The following FAM168A variants were observed in gnomAD, a reference collection of about 807,000 sequenced individuals.
FAM168A encodes the protein protein FAM168A.
FAM168A carries 3 observed loss-of-function variants against 28.5 expected under a neutral mutation model. That is an observed-to-expected ratio of 0.11 (90% confidence interval 0.05 to 0.27). FAM168A has a LOEUF of 0.27. Ranked by LOEUF, FAM168A falls within the 10% of genes least tolerant of loss-of-function variation. FAM168A has a pLI of 1.00. For synonymous variants in FAM168A, 122 were observed against 124.2 expected, an observed-to-expected ratio of 0.98 and a Z score of 0.12; for missense variants, 222 against 311.5, an observed-to-expected ratio of 0.71 and a Z score of 2.16.
chr11:73,466,593 ATT>A (rs1867739897), intron 2 of FAM168A, among the ~76,000 whole-genome samples: 2 of 152,154 alleles, frequency 1.3e-5, no homozygotes, highest in African/African-American at 4.8e-5. Context: ...TATATTTGGC[ATT>A]TGTTTATAAA....
chr11:73,432,428 A>G (rs952105359), intron 2 of FAM168A, among the ~76,000 whole-genome samples: 2 of 151,790 alleles, frequency 1.3e-5, no homozygotes, highest in Non-Finnish European at 2.9e-5. Flanking sequence ...TACATCCTCA[A>G]CAACCCTTGT....
intron 1 of FAM168A, among the ~76,000 whole-genome samples, chr11:73,539,319 G>C (rs1231971899): frequency 6.6e-6 from 1 of 151,666 alleles, no homozygotes; most frequent in African/African-American, 2.4e-5. Flanking sequence ...GCCCAGGCTG[G>C]AGTGCAGTGG....
intron 1 of FAM168A, among the ~76,000 whole-genome samples, chr11:73,499,635 T>C (rs551999879): frequency 6.6e-6 from 1 of 151,942 alleles, no homozygotes; most frequent in South Asian, 2.1e-4. Context: ...TGATAAAAGG[T>C]TGGAAGAATT....
chr11:73,547,363 G>A (rs748371381), intron 1 of FAM168A, among the ~76,000 whole-genome samples: 2 of 151,930 alleles, frequency 1.3e-5, no homozygotes, highest in African/African-American at 2.4e-5. Flanking sequence ...AATAAGAAGC[G>A]TTGAGGATAT....
At chr11:73,471,298 A>G (rs999038202) in intron 1 of FAM168A, among the ~76,000 whole-genome samples, 1 of 152,172 alleles carries the variant, frequency 6.6e-6, no homozygotes, top group Non-Finnish European at 1.5e-5. Flanking sequence ...TAGTCCTTTA[A>G]CTTCTGAGTC....
At chr11:73,456,504 T>C (rs1305530924) in intron 2 of FAM168A, among the ~76,000 whole-genome samples, 1 of 152,178 alleles carries the variant, frequency 6.6e-6, no homozygotes. Context: ...CCATTCTTTA[T>C]TTGCAAAGAA....
chr11:73,442,955 GATATATATATATATATATATATATATAT>G (rs58430278), intron 2 of FAM168A, among the ~76,000 whole-genome samples: 4,164 of 40,292 alleles, frequency 0.1, 454 homozygotes, highest in African/African-American at 0.26. Flanking sequence ...ATATACAAAG[GATATATATATATATATATATATATATAT>G]ATATATATAT....
At chr11:73,426,823 G>C (rs1475007201) in intron 3 of FAM168A, among the ~76,000 whole-genome samples, 1 of 151,950 alleles carries the variant, frequency 6.6e-6, no homozygotes, top group Non-Finnish European at 1.5e-5. Flanking sequence ...TCAACTCCGA[G>C]TTTGGGGCCT....
chr11:73,496,726 A>C (rs978228004), intron 1 of FAM168A, among the ~76,000 whole-genome samples: 148 of 152,074 alleles, frequency 9.7e-4, no homozygotes, highest in African/African-American at 3.4e-3. Flanking sequence ...ATGCCCGGCT[A>C]ATTTTTTGTA....
At chr11:73,442,838 CTT>C (rs11365247) in intron 2 of FAM168A, among the ~76,000 whole-genome samples, 11 of 127,404 alleles carry the variant, frequency 8.6e-5, no homozygotes, top group South Asian at 2.5e-4. Flanking sequence ...TTCTTTCTTT[CTT>C]TTTTTTTTTT....
At chr11:73,588,627 G>A (rs1944345278) in intron 1 of FAM168A, among the ~76,000 whole-genome samples, 3 of 152,250 alleles carry the variant, frequency 2.0e-5, no homozygotes, top group Admixed American at 2.0e-4. Context: ...GTGAGCCCAG[G>A]AAGTTGAGGC....
chr11:73,505,548 A>G (rs1364857258), intron 1 of FAM168A, among the ~76,000 whole-genome samples: 5 of 152,232 alleles, frequency 3.3e-5, no homozygotes, highest in African/African-American at 9.6e-5. Context: ...AGCAAAAAGT[A>G]AGGACTATTA....
intron 1 of FAM168A, among the ~76,000 whole-genome samples, chr11:73,555,535 T>C (rs993150586): frequency 6.6e-6 from 1 of 151,562 alleles, no homozygotes; most frequent in Non-Finnish European, 1.5e-5. Context: ...CGAAACCCCA[T>C]CTCTACTAAA....
Position 73,588,698 on chromosome 11 carries a change from C to A in FAM168A, c.-19+9225G>T, listed in dbSNP as rs1248062988. On this transcript the variant is annotated intron_variant, in intron 1 of 7. Coordinates refer to ENST00000356467, the MANE Select transcript of FAM168A (RefSeq NM_015159.3). ...GTGAAACCCGGTCTCAAAAAAGATG[C>A]TCCACAATAACTCAATAATATAGAC... Among the ~76,000 whole-genome samples, 5 of 152,180 alleles carry A rather than the reference C, an allele frequency of 3.3e-5. No homozygotes were observed. The South Asian group carries it at 6.2e-4, about 19-fold the overall frequency.
intron 1 of FAM168A, among the ~76,000 whole-genome samples, chr11:73,576,168 T>C (rs1021802998): frequency 2.0e-5 from 3 of 152,188 alleles, no homozygotes; most frequent in Admixed American, 2.0e-4. Context: ...GAGTTTCTTC[T>C]CCATTCAGAA....
Position 73,400,544 on chromosome 11 carries a change from G to A in FAM168A, c.*6219C>T, listed in dbSNP as rs1168456582. 1 of 152,218 alleles carries A rather than the reference G, an allele frequency of 6.6e-6. No homozygotes were observed. The highest frequency in any genetic ancestry group is 1.5e-5 in the Non-Finnish European group (1 of 68,042). 9.4% of individuals were successfully genotyped at this position (152,218 alleles called of 1,614,324 possible). ...GGCTCAATGGATTTCAACTCTGAAT[G>A]GCCTCACTGTGCTCCCACATCACAC... On this transcript the variant is annotated 3_prime_UTR_variant, in exon 8 of 8. Transcript: ENST00000356467.
At chr11:73,453,195 G>T (rs1320116106) in intron 2 of FAM168A, among the ~76,000 whole-genome samples, 1 of 152,166 alleles carries the variant, frequency 6.6e-6, no homozygotes, top group Non-Finnish European at 1.5e-5. Context: ...GCCCATAAGG[G>T]CCCTCAGCAA....
intron 5 of FAM168A, chr11:73,410,457 A>G (rs1183621725): frequency 6.6e-6 from 1 of 151,964 alleles, no homozygotes; most frequent in African/African-American, 2.4e-5. Context: ...ATTTTCCAGG[A>G]TGTCTCTTAA....
chr11:73,469,765 A>ATGG (rs1867787351), intron 1 of FAM168A, among the ~76,000 whole-genome samples: 2 of 152,222 alleles, frequency 1.3e-5, no homozygotes, highest in African/African-American at 4.8e-5. Context: ...TATATATTTC[A>ATGG]GTTAAACTTA....
Sources: gnomAD v4.1 joint callset for allele counts (sites outside exome capture counted in the v4.1 genomes callset) on GRCh38, gnomAD v4.1.1 for gene constraint, MANE v1.5 for transcripts, NCBI Gene and HGNC (gene_info 2026-07-23, HGNC 2026-07-21) for gene names.